The following CFAP299 variants were observed in gnomAD, a reference collection of about 807,000 sequenced individuals.
CFAP299 encodes cilia- and flagella-associated protein 299.
Under a neutral mutation model 27.0 loss-of-function variants are expected in CFAP299, and 21 were observed. The ratio of observed to expected loss-of-function variants is 0.78; its 90% CI spans 0.55 to 1.12. The LOEUF is 1.12. Among genes scored for constraint, CFAP299 ranks in the 50% most tolerant of loss-of-function variants. The pLI, the probability that CFAP299 is intolerant of heterozygous loss-of-function variation, is 0.00. For synonymous variants in CFAP299, 104 were observed against 98.1 expected (o/e 1.06, Z -0.36); for missense variants, 310 against 276.6 (o/e 1.12, Z -0.86).
rs1211660618 is a variant in CFAP299 at position 80,924,446 on chromosome 4, G to A, written c.477-20364G>A. Among the ~76,000 whole-genome samples the A allele has an allele frequency of 4.0e-5, 6 of 151,018 alleles. No homozygotes were observed. The Admixed American group carries it at 4.0e-4, about 10-fold the overall frequency. ...ATTTGGCCTCCTGATTATTTACAATGGGAATTTGGACCACTTTAGGCTAAT... is the reference window on the plus strand; with the variant it reads ...ATTTGGCCTCCTGATTATTTACAATAGGAATTTGGACCACTTTAGGCTAAT... On this transcript the variant is annotated intron_variant, in intron 4 of 5. Coordinates refer to ENST00000358105, the MANE Select transcript of CFAP299 (RefSeq NM_152770.3).
At position 80,835,623 on chromosome 4, in the gene CFAP299, C is replaced by T. The variant is rs540153548; in HGVS notation, c.334-34370C>T. On this transcript the variant is annotated intron_variant, in intron 3 of 5. Transcript: ENST00000358105. ...TAAAGTTTTTGTACATATAATTATA[C>T]AAAGAATCTGGAAATGAAGAAATTG... Among the ~76,000 whole-genome samples, 75 of 152,190 alleles carry T rather than the reference C, an allele frequency of 4.9e-4. 1 individual carries two copies. Among genetic ancestry groups the T allele is most frequent in the Admixed American group, 4.8e-3 (73 of 15,298 alleles).
intron 3 of CFAP299, among the ~76,000 whole-genome samples, chr4:80,860,425 G>A (rs973243292): frequency 9.9e-5 from 15 of 152,174 alleles, no homozygotes; most frequent in Admixed American, 2.6e-4. Context: ...GTCATTCTCT[G>A]TCCAGCTTTG....
At chr4:80,346,402 T>G (rs1049250557) in intron 1 of CFAP299, among the ~76,000 whole-genome samples, 2 of 152,228 alleles carry the variant, frequency 1.3e-5, no homozygotes, top group African/African-American at 4.8e-5. Flanking sequence ...GTTTTTCTGG[T>G]TTCAGGTCTA....
chr4:80,892,455 T>C (rs1393410290), intron 4 of CFAP299, among the ~76,000 whole-genome samples: 1 of 152,136 alleles, frequency 6.6e-6, no homozygotes, highest in Non-Finnish European at 1.5e-5. Flanking sequence ...GGCAAAAATT[T>C]CTTGAGTAAT....
intron 3 of CFAP299, among the ~76,000 whole-genome samples, chr4:80,689,524 C>T (rs62302193): frequency 6.6e-6 from 1 of 152,138 alleles, no homozygotes; most frequent in Non-Finnish European, 1.5e-5. Flanking sequence ...GCCTGCCCTA[C>T]AAGAGCTCCT....
chr4:80,593,278 T>C (rs1736878728), intron 3 of CFAP299, among the ~76,000 whole-genome samples: 1 of 152,198 alleles, frequency 6.6e-6, no homozygotes, highest in South Asian at 2.1e-4. Flanking sequence ...TGAATTGGCA[T>C]GGTGGATGAC....
intron 3 of CFAP299, among the ~76,000 whole-genome samples, chr4:80,758,865 A>G (rs1201944902): frequency 2.0e-5 from 3 of 152,164 alleles, no homozygotes; most frequent in Non-Finnish European, 4.4e-5. Context: ...TTTCTTAAAT[A>G]TGGGTAAAAT....
chr4:80,548,484 T>G (rs1734349575), intron 2 of CFAP299, among the ~76,000 whole-genome samples: 1 of 152,112 alleles, frequency 6.6e-6, no homozygotes. Context: ...CAAGCCTTAG[T>G]GACATGCAAT....
intron 4 of CFAP299, among the ~76,000 whole-genome samples, chr4:80,902,323 G>C (rs1408276589): frequency 2.1e-5 from 3 of 144,756 alleles, no homozygotes; most frequent in African/African-American, 7.6e-5. Context: ...ATATATATAT[G>C]GATTATTATT....
At position 80,348,070 on chromosome 4, in the gene CFAP299, C is replaced by T. The variant is rs541850903; in HGVS notation, c.111+12191C>T. On this transcript the variant is annotated intron_variant, in intron 1 of 5. Transcript: ENST00000358105. ...AAAGGATTCCCTATTTAATAAATGG[C>T]GTTGGGAGAACTGGTTAGTTATATG... is the stretch of plus-strand genomic sequence containing the variant. Among the ~76,000 whole-genome samples, 308 of 152,224 alleles carry T rather than the reference C, an allele frequency of 2.0e-3. 2 individuals carry two copies. The highest frequency in any genetic ancestry group is 3.7e-3 in the Non-Finnish European group (255 of 68,002).
intron 3 of CFAP299, among the ~76,000 whole-genome samples, chr4:80,826,121 A>AT: frequency 6.6e-6 from 1 of 151,956 alleles, no homozygotes; most frequent in East Asian, 1.9e-4. Flanking sequence ...CAGTTTTTGC[A>AT]TATCATTGAA....
chr4:80,724,897 CT>C (rs1430371493), intron 3 of CFAP299, among the ~76,000 whole-genome samples: 1 of 131,434 alleles, frequency 7.6e-6, no homozygotes, highest in Non-Finnish European at 1.6e-5. Context: ...TTCTTTCTTT[CT>C]TTCTTTTTCT....
intron 2 of CFAP299, among the ~76,000 whole-genome samples, chr4:80,555,576 C>G (rs145002638): frequency 6.6e-6 from 1 of 151,952 alleles, no homozygotes; most frequent in Non-Finnish European, 1.5e-5. Context: ...GGGATAATAC[C>G]AGAACTTATT....
At chr4:80,626,835 G>T (rs562449688) in intron 3 of CFAP299, among the ~76,000 whole-genome samples, 15 of 151,834 alleles carry the variant, frequency 9.9e-5, no homozygotes, top group African/African-American at 3.4e-4. Flanking sequence ...CCAGTAAAAA[G>T]ATTGAATCAG....
At chr4:80,571,175 G>A (rs549800454) in intron 2 of CFAP299, among the ~76,000 whole-genome samples, 2 of 152,164 alleles carry the variant, frequency 1.3e-5, no homozygotes, top group South Asian at 2.1e-4. Context: ...TGAGCAGGAC[G>A]GAGTGATCAG....
chr4:80,390,353 A>G (rs1183130246), intron 2 of CFAP299, among the ~76,000 whole-genome samples: 1 of 151,764 alleles, frequency 6.6e-6, no homozygotes, highest in Non-Finnish European at 1.5e-5. Context: ...TCCACATATA[A>G]GTGAGATCAA....
At chr4:80,562,918 T>A (rs149446215) in intron 2 of CFAP299, among the ~76,000 whole-genome samples, 3 of 151,826 alleles carry the variant, frequency 2.0e-5, no homozygotes, top group African/African-American at 7.2e-5. Context: ...GACAAAAAAA[T>A]GTTTCAGACA....
intron 4 of CFAP299, among the ~76,000 whole-genome samples, chr4:80,918,606 C>G (rs921074897): frequency 1.8e-4 from 28 of 152,032 alleles, no homozygotes; most frequent in African/African-American, 5.8e-4. Flanking sequence ...TAAGAGCAAA[C>G]TGATAACTAA....
At chr4:80,382,114 G>T (rs371671613) in intron 2 of CFAP299, among the ~76,000 whole-genome samples, 3 of 152,236 alleles carry the variant, frequency 2.0e-5, no homozygotes, top group South Asian at 4.1e-4. Context: ...ATAGGCAAAA[G>T]ATTGAAACTG....
Sources: allele counts gnomAD v4.1 joint callset (sites outside exome capture counted in the v4.1 genomes callset), GRCh38; gene constraint gnomAD v4.1.1; transcripts MANE v1.5; gene names NCBI Gene and HGNC (gene_info 2026-07-23, HGNC 2026-07-21).